Variants in FILIP1L observed in about 807,000 individuals in gnomAD.
FILIP1L encodes filamin A-interacting protein 1-like.
A neutral mutation model predicts 96.6 loss-of-function variants in FILIP1L; 55 were observed. The ratio of observed to expected loss-of-function variants is 0.57; its 90% CI spans 0.46 to 0.71. FILIP1L has a LOEUF of 0.71. Among genes scored for constraint, FILIP1L ranks in the 30% least tolerant of loss-of-function variants. The pLI is 0.00. For missense variants in FILIP1L, 1,304 were observed against 1,321.2 expected (o/e 0.99, Z 0.20); for synonymous variants, 467 against 473.9 (o/e 0.99, Z 0.19).
chr3:99,849,727 A>G lies in FILIP1L; in HGVS notation c.1949T>C (p.Met650Thr), dbSNP rs1421182999. ...KDMKAIEDDL[M>T]KTEDEYETLE... ...AGTCTCATATTCATCTTCTGTTTTC[A>G]TGAGGTCATCCTCAATGGCTTTCAT... The change falls in exon 5 of 6, where the codon ATG becomes ACG. Residue 650 changes from methionine to threonine, a missense_variant. Transcript: ENST00000477258. 6.2e-7 allele frequency: 1 copy of G among 1,613,726 alleles called. No homozygotes were observed. Among genetic ancestry groups the G allele is most frequent in the Admixed American group, 1.7e-5 (1 of 60,000 alleles).
chr3:99,832,085 T>G (rs1022422788), intron 5 of FILIP1L, among the ~76,000 whole-genome samples: 3 of 152,188 alleles, frequency 2.0e-5, no homozygotes, highest in African/African-American at 7.2e-5. Flanking sequence ...TGCCTGAAGG[T>G]TACTGGGCTC....
intron 4 of FILIP1L, among the ~76,000 whole-genome samples, chr3:99,869,971 G>A (rs2107579037): frequency 6.6e-6 from 1 of 152,116 alleles, no homozygotes; most frequent in Non-Finnish European, 1.5e-5. Context: ...CTACAGCTGT[G>A]TTCATCTTTT....
intron 1 of FILIP1L, among the ~76,000 whole-genome samples, chr3:100,001,169 G>C (rs1349415732): frequency 6.6e-6 from 1 of 152,196 alleles, no homozygotes; most frequent in Admixed American, 6.5e-5. Flanking sequence ...AAATTTAGTA[G>C]TAGTAGCCAT....
intron 3 of FILIP1L, 119 bp downstream of exon 3, chr3:99,929,737 G>A (rs767306910): frequency 2.9e-5 from 19 of 664,534 alleles, no homozygotes; most frequent in Middle Eastern, 4.4e-4. Context: ...TTTTGTGTAG[G>A]CTTTAAGTGC....
intron 1 of FILIP1L, among the ~76,000 whole-genome samples, chr3:99,986,051 T>C (rs1205747744): frequency 1.3e-5 from 2 of 152,256 alleles, no homozygotes; most frequent in Non-Finnish European, 2.9e-5. Context: ...AAGAAGTTTA[T>C]TCACAGATAA....
At chr3:100,099,355 C>T (rs779795982) in intron 1 of FILIP1L, among the ~76,000 whole-genome samples, 9 of 152,038 alleles carry the variant, frequency 5.9e-5, no homozygotes, top group Non-Finnish European at 1.2e-4. Flanking sequence ...CAGAATTATG[C>T]ATATGTGCAT....
At chr3:100,059,377 C>T (rs1032785971) in intron 1 of FILIP1L, among the ~76,000 whole-genome samples, 2 of 152,198 alleles carry the variant, frequency 1.3e-5, no homozygotes, top group African/African-American at 2.4e-5. Context: ...TGTCCTTGTC[C>T]GTGGCTTGCT....
At chr3:99,945,375 G>A (rs111331813) in intron 1 of FILIP1L, among the ~76,000 whole-genome samples, 2 of 152,282 alleles carry the variant, frequency 1.3e-5, no homozygotes, top group African/African-American at 4.8e-5. Flanking sequence ...GAGGTCTGTG[G>A]TAATGGGGAT....
intron 1 of FILIP1L, among the ~76,000 whole-genome samples, chr3:100,028,788 T>A (rs551763937): frequency 4.3e-4 from 66 of 152,212 alleles, no homozygotes; most frequent in African/African-American, 1.5e-3. Flanking sequence ...TTAAGAAGAG[T>A]TGACTCTGAT....
intron 4 of FILIP1L, among the ~76,000 whole-genome samples, chr3:99,897,890 G>A (rs1706310274): frequency 6.6e-6 from 1 of 152,170 alleles, no homozygotes; most frequent in Non-Finnish European, 1.5e-5. Flanking sequence ...CCACGAATAT[G>A]TCCAGTGTTC....
intron 1 of FILIP1L, among the ~76,000 whole-genome samples, chr3:100,006,246 A>G (rs1230249052): frequency 6.6e-6 from 1 of 152,038 alleles, no homozygotes; most frequent in East Asian, 1.9e-4. Flanking sequence ...CCCAGCCCTC[A>G]ACTGATCTTT....
At position 100,101,866 on chromosome 3, in the gene FILIP1L, C is replaced by T. The variant is rs1576062487; in HGVS notation, c.-11+12187G>A. Reference sequence around the variant, plus strand: ...ATTCCCACCTACGAGTGAGAACATGCAGTGTTTGGTTTTTTGTCCTTGCGA... The same window carrying T: ...ATTCCCACCTACGAGTGAGAACATGTAGTGTTTGGTTTTTTGTCCTTGCGA... On this transcript the variant is annotated intron_variant, in intron 1 of 5. Coordinates refer to ENST00000477258, the MANE Select transcript of FILIP1L (RefSeq NM_001387850.1). Among the ~76,000 whole-genome samples, 3 of 151,994 alleles carry T rather than the reference C, an allele frequency of 2.0e-5. No individual in the cohort carries two copies. The South Asian group carries it at 6.2e-4, about 32-fold the overall frequency.
At chr3:100,001,973 A>G (rs947800999) in intron 1 of FILIP1L, among the ~76,000 whole-genome samples, 2 of 152,156 alleles carry the variant, frequency 1.3e-5, no homozygotes, top group African/African-American at 2.4e-5. Context: ...GGGCTTGTCC[A>G]TATCCCCCCC....
intron 1 of FILIP1L, among the ~76,000 whole-genome samples, chr3:100,020,760 C>CTTTTTTTTTTTTTTTTTTTTTTTTT (rs34665880): frequency 1.4e-5 from 1 of 70,994 alleles, no homozygotes. Flanking sequence ...GAATAATTAG[C>CTTTTTTTTTTTTTTTTTTTTTTTTT]TTTTTTTTTT....
chr3:100,006,067 T>C (rs556525959), intron 1 of FILIP1L, among the ~76,000 whole-genome samples: 1 of 152,292 alleles, frequency 6.6e-6, no homozygotes, highest in African/African-American at 2.4e-5. Context: ...TGGAAAGCCC[T>C]AAAGCATTAG....
At chr3:99,897,845 G>C (rs928151752) in intron 4 of FILIP1L, among the ~76,000 whole-genome samples, 17 of 152,186 alleles carry the variant, frequency 1.1e-4, no homozygotes, top group Non-Finnish European at 2.2e-4. Flanking sequence ...GTGTGTCAAA[G>C]CTTTCTGCTG....
intron 1 of FILIP1L, among the ~76,000 whole-genome samples, chr3:100,037,756 G>A (rs2065132000): frequency 6.6e-6 from 1 of 152,208 alleles, no homozygotes; most frequent in African/African-American, 2.4e-5. Flanking sequence ...ATAAAGCTGT[G>A]TATAAGTGAA....
At chr3:99,985,770 C>T (rs1010667609) in intron 1 of FILIP1L, among the ~76,000 whole-genome samples, 1 of 152,032 alleles carries the variant, frequency 6.6e-6, no homozygotes, top group African/African-American at 2.4e-5. Context: ...TGTATTTTTA[C>T]TAGAGATGGG....
chr3:100,021,915 TTGTGTGTGTGTG>T lies in FILIP1L; in HGVS notation c.-10-90897_-10-90886del, dbSNP rs61704772. Among the ~76,000 whole-genome samples the T allele has an allele frequency of 1.5e-3, 164 of 105,974 alleles. 1 individual carries two copies. Among genetic ancestry groups the T allele is most frequent in the African/African-American group, 2.4e-3 (60 of 24,958 alleles). 69.5% of individuals were successfully genotyped at this position (105,974 alleles called of 152,430 possible). ...AGAATAGCTTGGATGCTAGATCCCA[TTGTGTGTGTGTG>T]TGTGTGTGTGTGTGTGTGTGTGTGT... is the stretch of plus-strand genomic sequence containing the variant. On this transcript the variant is annotated intron_variant, in intron 1 of 5. Transcript: ENST00000477258.
Sources: gnomAD v4.1 joint callset for allele counts (sites outside exome capture counted in the v4.1 genomes callset) on GRCh38, gnomAD v4.1.1 for gene constraint, MANE v1.5 for transcripts, NCBI Gene and HGNC (gene_info 2026-07-23, HGNC 2026-07-21) for gene names.